Variants in PROM1 observed in about 807,000 individuals in gnomAD.
The protein encoded by PROM1 is prominin 1.
Under a neutral mutation model 116.9 loss-of-function variants are expected in PROM1, and 105 were observed. The ratio of observed to expected loss-of-function variants is 0.90; its 90% CI spans 0.77 to 1.06. The LOEUF (loss-of-function observed/expected upper bound fraction) is 1.06, where lower values mean the gene tolerates loss of function less well. PROM1 is among the 50% of genes least tolerant of loss of function. The pLI, the probability that PROM1 is intolerant of heterozygous loss-of-function variation, is 0.00. For missense variants in PROM1, 1,122 were observed against 1,045.2 expected, an observed-to-expected ratio of 1.07 and a Z score of -1.01; for synonymous variants, 393 against 387.0, an observed-to-expected ratio of 1.02 and a Z score of -0.18.
At chr4:15,995,020 G>A (rs1380989298) in intron 15 of PROM1, among the ~76,000 whole-genome samples, 2 of 152,192 alleles carry the variant, frequency 1.3e-5, no homozygotes, top group African/African-American at 2.4e-5. Context: ...TAGGGGTGGT[G>A]AACGGGTTTA....
intron 2 of PROM1, among the ~76,000 whole-genome samples, chr4:16,059,153 T>A (rs761584413): frequency 2.6e-5 from 4 of 152,160 alleles, no homozygotes; most frequent in Non-Finnish European, 4.4e-5. Context: ...AATAGCCTAG[T>A]CTAAGAGGAT....
intron 2 of PROM1, among the ~76,000 whole-genome samples, chr4:16,053,596 T>C (rs995387113): frequency 6.6e-5 from 10 of 152,234 alleles, no homozygotes; most frequent in Non-Finnish European, 1.3e-4. Context: ...GGATAGTCAA[T>C]ATTCTCTAGA....
In PROM1 at chr4:16,025,253, C is replaced by T. The variant is rs1730954005; in HGVS notation, c.569G>A (p.Ser190Asn). 1.2e-6 allele frequency: 2 copies of T among 1,613,832 alleles called. No homozygotes were observed. Among genetic ancestry groups the T allele is most frequent in the Non-Finnish European group, 8.5e-7 (1 of 1,179,820 alleles). ...GAAATTGCTATCTGCCAGTTTCCGACTCCTTTTGATCCGGGTTCTTACCTG... is the reference window on the plus strand; with the variant it reads ...GAAATTGCTATCTGCCAGTTTCCGATTCCTTTTGATCCGGGTTCTTACCTG... Reference protein sequence around the residue: ...NHQVRTRIKRSRKLADSNFKD... With the variant: ...NHQVRTRIKRNRKLADSNFKD... The change falls in exon 6 of 28, where the codon AGT becomes AAT. Residue 190 changes from serine to asparagine, a missense_variant. Transcript: ENST00000447510.
Position 16,018,558 on chromosome 4 carries a change from G to A in PROM1, c.785-18C>T, listed in dbSNP as rs375709922. ...CTTGATCGCTATGGAAACACAGCCC[G>A]CTTCAGAACACACATGCCAAGTCCC... On this transcript the variant is annotated intron_variant, in intron 8 of 27. Coordinates refer to ENST00000447510, the MANE Select transcript of PROM1 (RefSeq NM_006017.3). The A allele has an allele frequency of 9.9e-5, 156 of 1,582,698 alleles. 2 individuals are homozygous for A. The highest frequency in any genetic ancestry group is 5.9e-4 in the East Asian group (26 of 43,816).
At chr4:16,069,528 T>A (rs568963401) in intron 2 of PROM1, among the ~76,000 whole-genome samples, 1 of 152,204 alleles carries the variant, frequency 6.6e-6, no homozygotes, top group East Asian at 1.9e-4. Flanking sequence ...AAAAGAAAAA[T>A]ACACACAAGG....
At chr4:16,011,450 C>T (rs1726865911) in intron 11 of PROM1, among the ~76,000 whole-genome samples, 2 of 152,226 alleles carry the variant, frequency 1.3e-5, no homozygotes. Context: ...TGAAACTGAA[C>T]ACCTGCTATC....
intron 16 of PROM1, among the ~76,000 whole-genome samples, chr4:15,992,933 A>G (rs1024629271): frequency 3.3e-5 from 5 of 152,212 alleles, no homozygotes; most frequent in African/African-American, 7.2e-5. Context: ...TCAGGGTTGT[A>G]TTGATAGTCA....
At chr4:16,052,224 AC>A (rs1204569179) in intron 2 of PROM1, among the ~76,000 whole-genome samples, 1 of 152,164 alleles carries the variant, frequency 6.6e-6, no homozygotes, top group Non-Finnish European at 1.5e-5. Context: ...CTGAAGAAGT[AC>A]CCAGCCTTTC....
At position 15,989,812 on chromosome 4, in the gene PROM1, A is replaced by G. The variant is rs1471772132; in HGVS notation, c.1996T>C (p.Leu666=). The G allele has an allele frequency of 6.2e-7, 1 of 1,605,012 alleles. No individual in the cohort carries two copies. The highest frequency in any genetic ancestry group is 1.3e-5 in the African/African-American group (1 of 74,972). ...AKANSLPPGN[L]RNSLKRDAQT... is the part of the protein sequence containing the mutation. Reference sequence around the variant, plus strand: ...GCATCTCTTTTCAGGGAGTTCCTCAAATTTCCTGGGGGCTACAAAAAGAAT... The same window carrying G: ...GCATCTCTTTTCAGGGAGTTCCTCAGATTTCCTGGGGGCTACAAAAAGAAT... Residue 666 remains leucine (L), a synonymous_variant, in exon 19 of 28, where the codon TTG becomes CTG. Coordinates refer to ENST00000447510, the MANE Select transcript of PROM1 (RefSeq NM_006017.3).
intron 19 of PROM1, among the ~76,000 whole-genome samples, chr4:15,988,166 G>C (rs1719983795): frequency 6.6e-6 from 1 of 152,102 alleles, no homozygotes. Flanking sequence ...GTGAGCCACC[G>C]CGCCTGGCCA....
intron 5 of PROM1, among the ~76,000 whole-genome samples, chr4:16,029,920 C>T (rs1732256360): frequency 6.6e-6 from 1 of 152,216 alleles, no homozygotes; most frequent in Non-Finnish European, 1.5e-5. Flanking sequence ...ACTCTCCTAT[C>T]TTTCCCTCCA....
intron 8 of PROM1, among the ~76,000 whole-genome samples, chr4:16,021,959 A>C (rs1165791090): frequency 2.0e-5 from 3 of 152,128 alleles, no homozygotes; most frequent in Non-Finnish European, 4.4e-5. Context: ...TGGGTCCCTA[A>C]TCCAACAGAA....
intron 18 of PROM1, 69 bp from the exon 19 acceptor site, chr4:15,989,893 G>A: frequency 2.3e-6 from 3 of 1,282,944 alleles, no homozygotes; most frequent in South Asian, 1.3e-5. Flanking sequence ...GCTATCCTCA[G>A]GGGCCCTGTG....
intron 2 of PROM1, among the ~76,000 whole-genome samples, chr4:16,060,614 G>A (rs1325931891): frequency 6.6e-6 from 1 of 151,992 alleles, no homozygotes; most frequent in African/African-American, 2.4e-5. Context: ...ACATTTTGTG[G>A]ATGTTTATTT....
chr4:16,044,548 G>A (rs770968407), intron 2 of PROM1, among the ~76,000 whole-genome samples: 3 of 152,030 alleles, frequency 2.0e-5, no homozygotes, highest in Non-Finnish European at 2.9e-5. Flanking sequence ...TAGTTCAGGG[G>A]GTCTTGCACG....
intron 15 of PROM1, among the ~76,000 whole-genome samples, chr4:15,996,570 GT>G (rs1722381388): frequency 1.3e-5 from 2 of 152,098 alleles, no homozygotes; most frequent in African/African-American, 4.8e-5. Flanking sequence ...AGCTACATTT[GT>G]TTTAAAATAA....
intron 2 of PROM1, among the ~76,000 whole-genome samples, chr4:16,041,807 T>TGA (rs1313560599): frequency 1.0e-4 from 15 of 147,496 alleles, no homozygotes; most frequent in African/African-American, 3.2e-4. Flanking sequence ...TATATATATA[T>TGA]GAAAGGCTGA....
intron 1 of PROM1, among the ~76,000 whole-genome samples, chr4:16,081,603 A>T (rs1745062272): frequency 1.3e-5 from 2 of 152,338 alleles, no homozygotes; most frequent in South Asian, 2.1e-4. Context: ...ACAGAATCCA[A>T]GAAGTCCTTT....
At chr4:16,003,355 T>C (rs1054360810) in intron 13 of PROM1, 5 of 456,632 alleles carry the variant, frequency 1.1e-5, no homozygotes, top group African/African-American at 6.0e-5. Flanking sequence ...TTCACCTAGA[T>C]TCCCCAAAAT....
Sources: gnomAD v4.1 joint callset for allele counts (sites outside exome capture counted in the v4.1 genomes callset) on GRCh38, gnomAD v4.1.1 for gene constraint, MANE v1.5 for transcripts, NCBI Gene and HGNC (gene_info 2026-07-23, HGNC 2026-07-21) for gene names.